The following AGBL4 variants were observed in gnomAD, a reference collection of about 807,000 sequenced individuals.
AGBL4 encodes AGBL carboxypeptidase 4.
In AGBL4, 58 loss-of-function variants were observed where a neutral mutation model predicts 66.4. The observed-to-expected ratio is 0.87, with a 90% CI of 0.71 to 1.09. The LOEUF (loss-of-function observed/expected upper bound fraction) is 1.09. Ranked by LOEUF, AGBL4 falls within the 50% of genes least tolerant of loss-of-function variation. The pLI is 0.00. For synonymous variants in AGBL4, 234 were observed against 222.9 expected, an observed-to-expected ratio of 1.05 and a Z score of -0.44; for missense variants, 579 against 631.0, an observed-to-expected ratio of 0.92 and a Z score of 0.88.
At chr1:49,837,834 G>A (rs569656964) in intron 2 of AGBL4, among the ~76,000 whole-genome samples, 5 of 152,256 alleles carry the variant, frequency 3.3e-5, no homozygotes, top group African/African-American at 1.2e-4. Flanking sequence ...GACAGAGTAA[G>A]ACTCCATCTC....
chr1:49,090,114 C>A (rs1644976602), intron 4 of AGBL4, among the ~76,000 whole-genome samples: 1 of 152,114 alleles, frequency 6.6e-6, no homozygotes, highest in African/African-American at 2.4e-5. Flanking sequence ...CCATCTATGA[C>A]AAACCTACAG....
intron 3 of AGBL4, among the ~76,000 whole-genome samples, chr1:49,311,449 GAATA>G (rs1459990760): frequency 6.6e-6 from 1 of 151,890 alleles, no homozygotes; most frequent in Non-Finnish European, 1.5e-5. Context: ...CTACATATAA[GAATA>G]AATAGCTTCC....
At chr1:49,135,915 A>G (rs1373082981) in intron 4 of AGBL4, among the ~76,000 whole-genome samples, 1 of 152,138 alleles carries the variant, frequency 6.6e-6, no homozygotes, top group Non-Finnish European at 1.5e-5. Flanking sequence ...AGTAAGTGTA[A>G]TACATCATCA....
intron 3 of AGBL4, among the ~76,000 whole-genome samples, chr1:49,633,528 GC>G (rs1165631985): frequency 6.6e-5 from 10 of 152,102 alleles, no homozygotes; most frequent in Non-Finnish European, 2.9e-5. Flanking sequence ...AAATGTGTGT[GC>G]CTGTAAGTAA....
chr1:48,955,752 T>G (rs1421009704), intron 5 of AGBL4, among the ~76,000 whole-genome samples: 1 of 152,216 alleles, frequency 6.6e-6, no homozygotes, highest in Non-Finnish European at 1.5e-5. Context: ...CAGATTTAAA[T>G]TTCGGATTTG....
At chr1:49,578,828 A>T (rs1644487818) in intron 3 of AGBL4, among the ~76,000 whole-genome samples, 1 of 152,130 alleles carries the variant, frequency 6.6e-6, no homozygotes, top group African/African-American at 2.4e-5. Flanking sequence ...CAAGGGGTGA[A>T]CTTGTGATGG....
intron 1 of AGBL4, among the ~76,000 whole-genome samples, chr1:49,931,256 A>C (rs1208287507): frequency 6.6e-6 from 1 of 152,216 alleles, no homozygotes; most frequent in Non-Finnish European, 1.5e-5. Context: ...ATAAAGACTT[A>C]AATAAATGAA....
chr1:49,865,557 A>T (rs1018281217), intron 1 of AGBL4, among the ~76,000 whole-genome samples: 5 of 152,156 alleles, frequency 3.3e-5, no homozygotes, highest in Non-Finnish European at 7.3e-5. Flanking sequence ...AGAAAATAAG[A>T]ACAACAGCAT....
At chr1:48,928,324 C>T (rs988072056) in intron 5 of AGBL4, among the ~76,000 whole-genome samples, 2 of 152,206 alleles carry the variant, frequency 1.3e-5, no homozygotes, top group African/African-American at 4.8e-5. Context: ...CAACTGGAAT[C>T]TTAGCACAGG....
chr1:49,977,072 A>G (rs1168862862), intron 1 of AGBL4, among the ~76,000 whole-genome samples: 1 of 152,202 alleles, frequency 6.6e-6, no homozygotes, highest in Non-Finnish European at 1.5e-5. Flanking sequence ...TTGTCTCTTT[A>G]ATAGTTTTTT....
intron 5 of AGBL4, among the ~76,000 whole-genome samples, chr1:49,027,748 C>T (rs1663838929): frequency 6.6e-6 from 1 of 152,128 alleles, no homozygotes; most frequent in Non-Finnish European, 1.5e-5. Context: ...CTTCCCCCAC[C>T]AGACCTTACT....
intron 1 of AGBL4, among the ~76,000 whole-genome samples, chr1:49,908,309 G>C (rs1650471708): frequency 6.6e-6 from 1 of 152,122 alleles, no homozygotes; most frequent in South Asian, 2.1e-4. Flanking sequence ...GGGCCTAGTG[G>C]GAAGTGACTG....
At chr1:49,223,406 G>A (rs1418754417) in intron 4 of AGBL4, among the ~76,000 whole-genome samples, 1 of 152,114 alleles carries the variant, frequency 6.6e-6, no homozygotes, top group African/African-American at 2.4e-5. Flanking sequence ...ACAGGTATAT[G>A]CATAGAAGGT....
chr1:49,507,168 C>T (rs1648768147), intron 3 of AGBL4, among the ~76,000 whole-genome samples: 1 of 151,942 alleles, frequency 6.6e-6, no homozygotes, highest in South Asian at 2.1e-4. Flanking sequence ...AGGGAGAAAC[C>T]CAGAGACAAC....
At chr1:49,085,771 G>T (rs895415700) in intron 4 of AGBL4, among the ~76,000 whole-genome samples, 1 of 152,002 alleles carries the variant, frequency 6.6e-6, no homozygotes, top group African/African-American at 2.4e-5. Context: ...CTCTCCAAAG[G>T]GACCTATGCA....
chr1:49,837,890 C>T (rs1571683351), intron 2 of AGBL4, among the ~76,000 whole-genome samples: 1 of 152,230 alleles, frequency 6.6e-6, no homozygotes, highest in East Asian at 1.9e-4. Flanking sequence ...TTCAGCAAAT[C>T]ATGCCAACTA....
chr1:49,444,462 G>T (rs1646107030), intron 3 of AGBL4, among the ~76,000 whole-genome samples: 1 of 151,894 alleles, frequency 6.6e-6, no homozygotes, highest in African/African-American at 2.4e-5. Context: ...TCCAGTGTTG[G>T]GTGCATATAT....
chr1:48,616,013 A>C (rs969724659), intron 9 of AGBL4, among the ~76,000 whole-genome samples: 1 of 152,154 alleles, frequency 6.6e-6, no homozygotes, highest in Non-Finnish European at 1.5e-5. Flanking sequence ...GACCCCATCC[A>C]TGAGGGAGGG....
At chr1:48,754,005 C>T (rs1474609537) in intron 6 of AGBL4, among the ~76,000 whole-genome samples, 1 of 152,196 alleles carries the variant, frequency 6.6e-6, no homozygotes, top group Admixed American at 6.5e-5. Flanking sequence ...GACTTGTGTG[C>T]ATCCTGAAGG....
Sources: gnomAD v4.1 joint callset for allele counts (sites outside exome capture counted in the v4.1 genomes callset) on GRCh38, gnomAD v4.1.1 for gene constraint, MANE v1.5 for transcripts, NCBI Gene and HGNC (gene_info 2026-07-23, HGNC 2026-07-21) for gene names.